Variants in AGBL1 observed in about 807,000 individuals in gnomAD.
AGBL1 encodes the protein AGBL carboxypeptidase 1, also known as cytosolic carboxypeptidase 4.
Under a neutral mutation model 118.9 loss-of-function variants are expected in AGBL1, and 130 were observed. The ratio of observed to expected loss-of-function variants is 1.09; its 90% CI spans 0.95 to 1.26. The LOEUF is 1.26. AGBL1 is among the 50% of genes most tolerant of loss of function. The pLI is 0.00. For synonymous variants in AGBL1, 555 were observed against 478.9 expected, an observed-to-expected ratio of 1.16 and a Z score of -2.08; for missense variants, 1,584 against 1,298.1, an observed-to-expected ratio of 1.22 and a Z score of -3.38.
intron 17 of AGBL1, among the ~76,000 whole-genome samples, chr15:86,344,834 T>C (rs1457325673): frequency 1.3e-5 from 2 of 152,092 alleles, no homozygotes; most frequent in African/African-American, 4.8e-5. Context: ...GAACCCATTG[T>C]TGTCAGAAAT....
intron 5 of AGBL1, among the ~76,000 whole-genome samples, chr15:86,211,247 G>C (rs1011927814): frequency 2.6e-5 from 4 of 152,222 alleles, no homozygotes; most frequent in African/African-American, 9.6e-5. Context: ...TGAGGTGTCA[G>C]TTGGCCCCTA....
chr15:86,252,798 C>G (rs1166661261), intron 7 of AGBL1, among the ~76,000 whole-genome samples: 1 of 152,150 alleles, frequency 6.6e-6, no homozygotes, highest in Non-Finnish European at 1.5e-5. Flanking sequence ...TTTGGAGGGT[C>G]AGGCAGAAGG....
intron 23 of AGBL1, among the ~76,000 whole-genome samples, chr15:86,941,976 T>C (rs1329379775): frequency 2.0e-5 from 3 of 152,192 alleles, no homozygotes; most frequent in South Asian, 2.1e-4. Context: ...AAGGGTGATA[T>C]TGGAACTGAG....
At chr15:86,309,389 C>T (rs2079887242) in intron 17 of AGBL1, among the ~76,000 whole-genome samples, 2 of 152,200 alleles carry the variant, frequency 1.3e-5, no homozygotes, top group Middle Eastern at 3.4e-3. Flanking sequence ...AATTAGGATG[C>T]CTTTTATTTC....
intron 24 of AGBL1, among the ~76,000 whole-genome samples, chr15:86,999,369 C>G (rs1156418035): frequency 6.8e-6 from 1 of 146,738 alleles, no homozygotes; most frequent in African/African-American, 2.5e-5. Flanking sequence ...TATCCCTCCC[C>G]CCTGCCACCA....
intron 18 of AGBL1, among the ~76,000 whole-genome samples, chr15:86,451,460 C>A (rs1486611277): frequency 3.3e-5 from 5 of 152,196 alleles, no homozygotes; most frequent in African/African-American, 1.2e-4. Context: ...TCTCAGAAAA[C>A]AGCCTTTCTT....
At chr15:86,978,378 T>C (rs1393775794) in intron 23 of AGBL1, among the ~76,000 whole-genome samples, 2 of 152,178 alleles carry the variant, frequency 1.3e-5, no homozygotes, top group Non-Finnish European at 2.9e-5. Flanking sequence ...GTCATAAATA[T>C]TCAAAAGTTC....
At chr15:86,535,868 C>G (rs995099790) in intron 19 of AGBL1, among the ~76,000 whole-genome samples, 3 of 152,152 alleles carry the variant, frequency 2.0e-5, no homozygotes, top group African/African-American at 7.2e-5. Flanking sequence ...TGTTTTATTT[C>G]CACTTTATTC....
intron 5 of AGBL1, among the ~76,000 whole-genome samples, chr15:86,162,046 G>A (rs1258685670): frequency 2.0e-5 from 3 of 152,198 alleles, no homozygotes; most frequent in Admixed American, 6.5e-5. Context: ...AGATGGCAGA[G>A]GCTGGGGAAG....
chr15:86,750,184 T>G (rs181245085), intron 22 of AGBL1, among the ~76,000 whole-genome samples: 61 of 152,206 alleles, frequency 4.0e-4, no homozygotes, highest in Admixed American at 3.9e-3. Context: ...TGTGCATGTG[T>G]GTATATATAT....
intron 22 of AGBL1, among the ~76,000 whole-genome samples, chr15:86,781,489 C>A (rs1471517519): frequency 6.6e-6 from 1 of 152,096 alleles, no homozygotes; most frequent in Non-Finnish European, 1.5e-5. Flanking sequence ...GACAGGTGCT[C>A]AAAACCAGTA....
chr15:86,864,885 T>C (rs1214198945), intron 22 of AGBL1, among the ~76,000 whole-genome samples: 2 of 152,196 alleles, frequency 1.3e-5, no homozygotes, highest in African/African-American at 4.8e-5. Flanking sequence ...GGTTGGAATA[T>C]GATGTAGCAA....
At chr15:86,358,385 A>G (rs2080754541) in intron 17 of AGBL1, among the ~76,000 whole-genome samples, 1 of 152,000 alleles carries the variant, frequency 6.6e-6, no homozygotes, top group Non-Finnish European at 1.5e-5. Context: ...GCTGAATAAT[A>G]TTCTCTTATA....
intron 1 of AGBL1, among the ~76,000 whole-genome samples, chr15:86,124,156 C>T (rs1028384669): frequency 6.6e-6 from 1 of 151,994 alleles, no homozygotes; most frequent in Non-Finnish European, 1.5e-5. Context: ...ATGGTGCAAT[C>T]CCATCTCTAC....
chr15:86,620,896 C>T (rs1458512725), intron 21 of AGBL1, among the ~76,000 whole-genome samples: 9 of 151,776 alleles, frequency 5.9e-5, no homozygotes, highest in Admixed American at 5.9e-4. Context: ...TTTCAAGTCG[C>T]CTGCGTGCTT....
chr15:86,211,226 A>C (rs1385358759), intron 5 of AGBL1, among the ~76,000 whole-genome samples: 1 of 152,128 alleles, frequency 6.6e-6, no homozygotes. Flanking sequence ...CCATAGGGGC[A>C]CCCACCTATA....
chr15:86,645,180 A>G (rs2085257583), intron 21 of AGBL1, among the ~76,000 whole-genome samples: 1 of 152,218 alleles, frequency 6.6e-6, no homozygotes, highest in Non-Finnish European at 1.5e-5. Flanking sequence ...ATAGAAGAAT[A>G]TTCTTGATCT....
chr15:86,726,755 A>G (rs901270905), intron 22 of AGBL1, among the ~76,000 whole-genome samples: 16 of 151,916 alleles, frequency 1.1e-4, no homozygotes, highest in Admixed American at 2.0e-4. Flanking sequence ...TGTTCTCACT[A>G]TGTTGCTAAG....
chr15:86,142,021 G>A lies in AGBL1; in HGVS notation c.69G>A (p.Glu23=), dbSNP rs951163642. 3.2e-6 allele frequency: 5 copies of A among 1,550,042 alleles called. No individual in the cohort carries two copies. The African/African-American group carries it at 6.8e-5, about 21-fold the overall frequency. Residue 23 remains glutamate (E), a synonymous_variant, in exon 2 of 23, where the codon GAG becomes GAA. Coordinates refer to ENST00000614907, the MANE Select transcript of AGBL1 (RefSeq NM_001386094.1). The stretch of plus-strand genomic sequence containing the variant: ...CATTGCAGAGCTCCTCTGACAAGGA[G>A]TCCATCCTGACCATCCTCAAGGTCC... The part of the protein sequence containing the change: ...LHTLQSSSDK[E]SILTILKVLG...
Sources: gnomAD v4.1 joint callset for allele counts (sites outside exome capture counted in the v4.1 genomes callset) on GRCh38, gnomAD v4.1.1 for gene constraint, MANE v1.5 for transcripts, NCBI Gene and HGNC (gene_info 2026-07-23, HGNC 2026-07-21) for gene names.